Variants in PPARGC1A observed in about 807,000 individuals in gnomAD.
The protein encoded by PPARGC1A is PPARG coactivator 1 alpha, also known as peroxisome proliferator-activated receptor gamma coactivator 1-alpha.
PPARGC1A carries 25 observed loss-of-function variants against 88.7 expected under a neutral mutation model. The ratio of observed to expected loss-of-function variants is 0.28; its 90% CI spans 0.21 to 0.39. The LOEUF (loss-of-function observed/expected upper bound fraction) is 0.39. PPARGC1A is among the 10% of genes least tolerant of loss of function. The probability of loss-of-function intolerance (pLI) is 1.00; values close to 1 mark genes in which losing one functional copy is unlikely to be tolerated. For missense variants in PPARGC1A, 880 were observed against 968.7 expected (o/e 0.91, Z 1.22); for synonymous variants, 363 against 355.6 (o/e 1.02, Z -0.24).
chr4:24,064,233 A>G, the PPARGC1A span, among the ~76,000 whole-genome samples: 4 of 152,100 alleles, frequency 2.6e-5, no homozygotes, highest in Non-Finnish European at 5.9e-5. Flanking sequence ...AGAACAATCA[A>G]TGGTAATAAC....
At chr4:24,155,598 C>CA in the PPARGC1A span, among the ~76,000 whole-genome samples, 31,234 of 139,238 alleles carry the variant, frequency 0.22, 3,339 homozygotes, top group East Asian at 0.36. Context: ...AAAACCCTGT[C>CA]AAAAAAAAAA....
chr4:24,021,197 T>G, the PPARGC1A span, among the ~76,000 whole-genome samples: 1 of 152,220 alleles, frequency 6.6e-6, no homozygotes, highest in Admixed American at 6.5e-5. Flanking sequence ...CTCTGCGGAC[T>G]GTGCAGCTGC....
chr4:24,328,004 T>C, the PPARGC1A span, among the ~76,000 whole-genome samples: 1 of 152,022 alleles, frequency 6.6e-6, no homozygotes, highest in Admixed American at 6.6e-5. Context: ...ACTGAGCACC[T>C]TGTGACCCCT....
the PPARGC1A span, among the ~76,000 whole-genome samples, chr4:24,118,419 C>T: frequency 1.3e-5 from 2 of 152,100 alleles, no homozygotes; most frequent in African/African-American, 4.8e-5. Flanking sequence ...TTTTCCTGGC[C>T]CTGAAAACAC....
the PPARGC1A span, among the ~76,000 whole-genome samples, chr4:24,090,383 T>C: frequency 6.6e-6 from 1 of 152,170 alleles, no homozygotes. Flanking sequence ...TTACTTAACA[T>C]CACATTGCAT....
At chr4:24,202,024 C>G in the PPARGC1A span, among the ~76,000 whole-genome samples, 375 of 152,098 alleles carry the variant, frequency 2.5e-3, 2 homozygotes, top group African/African-American at 8.6e-3. Flanking sequence ...GCCTCAGCTT[C>G]CCAAACAGTT....
the PPARGC1A span, among the ~76,000 whole-genome samples, chr4:24,128,740 C>T: frequency 6.6e-6 from 1 of 152,146 alleles, no homozygotes; most frequent in South Asian, 2.1e-4. Context: ...TCAATTCTCT[C>T]CCCATCTTCT....
At chr4:24,347,503 A>G in the PPARGC1A span, among the ~76,000 whole-genome samples, 1 of 152,168 alleles carries the variant, frequency 6.6e-6, no homozygotes. Flanking sequence ...TTACCATTAT[A>G]TACTGTCCCT....
chr4:24,186,782 C>T, the PPARGC1A span, among the ~76,000 whole-genome samples: 9 of 151,518 alleles, frequency 5.9e-5, no homozygotes, highest in African/African-American at 2.2e-4. Context: ...ATGGGCAGGG[C>T]TGCCAGGAGA....
At chr4:24,010,876 A>G in the PPARGC1A span, among the ~76,000 whole-genome samples, 2 of 152,092 alleles carry the variant, frequency 1.3e-5, no homozygotes, top group Non-Finnish European at 2.9e-5. Context: ...GTCTCCAAAA[A>G]CCAAAACTGA....
At chr4:24,390,961 T>G in the PPARGC1A span, among the ~76,000 whole-genome samples, 7 of 152,038 alleles carry the variant, frequency 4.6e-5, no homozygotes, top group Non-Finnish European at 1.0e-4. Context: ...GAGTAATTCC[T>G]TCTGTTTGCA....
At chr4:23,840,454 G>T (rs1178206681) in intron 2 of PPARGC1A, among the ~76,000 whole-genome samples, 1 of 152,044 alleles carries the variant, frequency 6.6e-6, no homozygotes, top group Non-Finnish European at 1.5e-5. Flanking sequence ...CTTCCTAGAA[G>T]GTTCTTCTGC....
chr4:24,006,233 G>C, the PPARGC1A span, among the ~76,000 whole-genome samples: 1 of 152,108 alleles, frequency 6.6e-6, no homozygotes, highest in South Asian at 2.1e-4. Flanking sequence ...ATTTTTAGTA[G>C]AGACGGGGTT....
chr4:23,848,867 C>T (rs1304938001), intron 2 of PPARGC1A, among the ~76,000 whole-genome samples: 2 of 151,970 alleles, frequency 1.3e-5, no homozygotes, highest in African/African-American at 4.8e-5. Context: ...GTACTATCAA[C>T]GTAAAAATGG....
chr4:24,213,013 G>A, the PPARGC1A span, among the ~76,000 whole-genome samples: 1 of 152,096 alleles, frequency 6.6e-6, no homozygotes. Context: ...CAGCCTTGTT[G>A]GTGGACACCT....
the PPARGC1A span, among the ~76,000 whole-genome samples, chr4:24,195,743 C>A: frequency 1.3e-3 from 204 of 152,168 alleles, 1 homozygote; most frequent in African/African-American, 4.1e-3. Context: ...CCATTTTTCC[C>A]ATTCTTTTCA....
At chr4:23,880,707 C>G (rs1022929812) in intron 2 of PPARGC1A, 4 of 151,592 alleles carry the variant, frequency 2.6e-5, no homozygotes, top group African/African-American at 9.8e-5. Context: ...AATTTACACA[C>G]AAATACAAAA....
At chr4:24,059,410 T>A in the PPARGC1A span, among the ~76,000 whole-genome samples, 1 of 152,150 alleles carries the variant, frequency 6.6e-6, no homozygotes, top group African/African-American at 2.4e-5. Flanking sequence ...GCAGAATGCA[T>A]TGTCCCCATA....
the PPARGC1A span, among the ~76,000 whole-genome samples, chr4:23,909,687 C>T: frequency 2.0e-5 from 3 of 151,868 alleles, no homozygotes; most frequent in East Asian, 4.0e-4. Context: ...GTGACACTTC[C>T]TAACTCTTTG....
Sources: allele counts gnomAD v4.1 joint callset (sites outside exome capture counted in the v4.1 genomes callset), GRCh38; gene constraint gnomAD v4.1.1; transcripts MANE v1.5; gene names NCBI Gene and HGNC (gene_info 2026-07-23, HGNC 2026-07-21).